The following CACNA1E variants were observed in gnomAD, a reference collection of about 807,000 sequenced individuals.
CACNA1E encodes the protein voltage-dependent R-type calcium channel subunit alpha-1E.
A neutral mutation model predicts 259.2 loss-of-function variants in CACNA1E; 40 were observed. That is an observed-to-expected ratio of 0.15 (90% confidence interval 0.12 to 0.20). The LOEUF (loss-of-function observed/expected upper bound fraction) is 0.20. Among genes scored for constraint, CACNA1E ranks in the 10% least tolerant of loss-of-function variants. The pLI, the probability that CACNA1E is intolerant of heterozygous loss-of-function variation, is 1.00. For synonymous variants in CACNA1E, 1,104 were observed against 1,138.5 expected (o/e 0.97, Z 0.61); for missense variants, 1,874 against 3,040.1 (o/e 0.62, Z 9.02).
chr1:181,343,674 G>A (rs1017105756), intron 1 of CACNA1E, among the ~76,000 whole-genome samples: 12 of 152,186 alleles, frequency 7.9e-5, no homozygotes, highest in Non-Finnish European at 1.5e-4. Flanking sequence ...ATGCATTTAA[G>A]TGGAGAAATC....
chr1:181,696,371 T>C (rs943014424), intron 7 of CACNA1E, among the ~76,000 whole-genome samples: 5 of 152,240 alleles, frequency 3.3e-5, no homozygotes, highest in African/African-American at 1.2e-4. Context: ...AAGTCAGTTC[T>C]TTGACTTTTC....
chr1:181,511,025 C>T (rs184723853), intron 2 of CACNA1E, among the ~76,000 whole-genome samples: 47 of 152,326 alleles, frequency 3.1e-4, no homozygotes, highest in Non-Finnish European at 5.9e-4. Context: ...CTAAAATTCA[C>T]GTGTGTACTT....
intron 46 of CACNA1E, 51 bp downstream of exon 46, chr1:181,795,095 C>T: frequency 6.8e-7 from 1 of 1,466,722 alleles, no homozygotes; most frequent in South Asian, 1.2e-5. Context: ...GGGCTCCTGC[C>T]CTGATGCACT....
intron 7 of CACNA1E, chr1:181,668,779 C>G: frequency 6.6e-6 from 1 of 152,210 alleles, no homozygotes; most frequent in Admixed American, 6.5e-5. Context: ...CCTGTAATCC[C>G]AGCACTTTGA....
intron 6 of CACNA1E, among the ~76,000 whole-genome samples, chr1:181,624,431 A>G (rs1257420165): frequency 6.6e-6 from 1 of 152,212 alleles, no homozygotes; most frequent in African/African-American, 2.4e-5. Flanking sequence ...ACTGAAGTCA[A>G]TCCTCTCAAA....
rs187622393 is a variant in CACNA1E at position 181,616,591 on chromosome 1, G to T, written c.952-34747G>T. On this transcript the variant is annotated intron_variant, in intron 6 of 47. Coordinates refer to ENST00000367573, the MANE Select transcript of CACNA1E (RefSeq NM_001205293.3). The stretch of plus-strand genomic sequence containing the variant: ...TAGCTGGGTGTGGTGGTGCACACCC[G>T]TAGTCCCAGCTACTCGGGAGGCTGA... Among the ~76,000 whole-genome samples, 447 of 152,218 alleles carry T rather than the reference G, an allele frequency of 2.9e-3. 2 individuals are homozygous for T. Among genetic ancestry groups the T allele is most frequent in the Non-Finnish European group, 4.4e-3 (301 of 67,988 alleles).
intron 7 of CACNA1E, among the ~76,000 whole-genome samples, chr1:181,659,651 T>C (rs1281533035): frequency 6.6e-6 from 1 of 152,218 alleles, no homozygotes; most frequent in African/African-American, 2.4e-5. Flanking sequence ...CAGAGACTGC[T>C]TCCATATACG....
At chr1:181,366,273 G>A (rs1443939912) in intron 1 of CACNA1E, among the ~76,000 whole-genome samples, 2 of 152,132 alleles carry the variant, frequency 1.3e-5, no homozygotes, top group Admixed American at 6.6e-5. Context: ...TCCTATTCTT[G>A]CTACAGGGGT....
chr1:181,680,756 C>T (rs755710752), intron 7 of CACNA1E, among the ~76,000 whole-genome samples: 11 of 152,284 alleles, frequency 7.2e-5, no homozygotes, highest in African/African-American at 1.4e-4. Flanking sequence ...CTCCTTGGGG[C>T]GCTTGAAAAC....
At chr1:181,548,205 ACCT>A (rs1647729516) in intron 3 of CACNA1E, among the ~76,000 whole-genome samples, 2 of 148,960 alleles carry the variant, frequency 1.3e-5, no homozygotes. Context: ...GCTCACCGCA[ACCT>A]CTGCCTCCCG....
chr1:181,481,958 A>G (rs1004175942), upstream of CACNA1E, among the ~76,000 whole-genome samples: 16 of 152,130 alleles, frequency 1.1e-4, no homozygotes, highest in African/African-American at 9.7e-5. Context: ...GTTTTAGCCC[A>G]TAACTCACCA....
intron 1 of CACNA1E, among the ~76,000 whole-genome samples, chr1:181,344,732 C>T (rs1400773742): frequency 6.6e-6 from 1 of 152,312 alleles, no homozygotes; most frequent in African/African-American, 2.4e-5. Flanking sequence ...GAAAAGGAAA[C>T]ACCCAGAGTG....
intron 1 of CACNA1E, among the ~76,000 whole-genome samples, chr1:181,328,885 C>T (rs1177498413): frequency 6.6e-6 from 1 of 152,172 alleles, no homozygotes; most frequent in Non-Finnish European, 1.5e-5. Flanking sequence ...GGCACATTCT[C>T]ACAGCCACCA....
At chr1:181,546,282 C>T (rs1418323514) in intron 3 of CACNA1E, among the ~76,000 whole-genome samples, 1 of 152,178 alleles carries the variant, frequency 6.6e-6, no homozygotes, top group African/African-American at 2.4e-5. Flanking sequence ...TTGCTAGCTT[C>T]TTCCTTCTTC....
chr1:181,612,397 C>T (rs1195341773), intron 6 of CACNA1E, among the ~76,000 whole-genome samples: 6 of 152,114 alleles, frequency 3.9e-5, no homozygotes, highest in Non-Finnish European at 8.8e-5. Flanking sequence ...TCATGTGGGC[C>T]CTGGTCTTTG....
intron 2 of CACNA1E, among the ~76,000 whole-genome samples, chr1:181,454,821 C>T (rs1253288648): frequency 6.6e-6 from 1 of 152,118 alleles, no homozygotes; most frequent in Non-Finnish European, 1.5e-5. Flanking sequence ...CTAGGCTTTG[C>T]GTACTACAGG....
At chr1:181,461,279 C>T (rs548349641) in intron 2 of CACNA1E, among the ~76,000 whole-genome samples, 5 of 152,242 alleles carry the variant, frequency 3.3e-5, no homozygotes, top group East Asian at 1.9e-4. Flanking sequence ...CAGTGGCTCA[C>T]GCCTGTAATC....
intron 44 of CACNA1E, among the ~76,000 whole-genome samples, chr1:181,792,644 G>A (rs1661424880): frequency 6.6e-6 from 1 of 150,476 alleles, no homozygotes; most frequent in Non-Finnish European, 1.5e-5. Flanking sequence ...GGCTAAGGTG[G>A]GGGTCCCAGA....
intron 1 of CACNA1E, among the ~76,000 whole-genome samples, chr1:181,498,596 C>T (rs950813069): frequency 6.6e-6 from 1 of 152,170 alleles, no homozygotes; most frequent in Non-Finnish European, 1.5e-5. Flanking sequence ...CCCTTCCCAT[C>T]ATGTTCCTCA....
Sources: gnomAD v4.1 joint callset for allele counts (sites outside exome capture counted in the v4.1 genomes callset) on GRCh38, gnomAD v4.1.1 for gene constraint, MANE v1.5 for transcripts, NCBI Gene and HGNC (gene_info 2026-07-23, HGNC 2026-07-21) for gene names.